The following PID1 variants were observed in gnomAD, a reference collection of about 807,000 sequenced individuals.
The protein encoded by PID1 is phosphotyrosine interaction domain containing 1, also known as PTB-containing, cubilin and LRP1-interacting protein.
In PID1, 10 loss-of-function variants were observed where a neutral mutation model predicts 19.1. The ratio of observed to expected loss-of-function variants is 0.52; its 90% confidence interval spans 0.32 to 0.89. The LOEUF (loss-of-function observed/expected upper bound fraction) is 0.89. Ranked by LOEUF, PID1 falls within the 40% of genes least tolerant of loss-of-function variation. The pLI, the probability that PID1 is intolerant of heterozygous loss-of-function variation, is 0.03. For synonymous variants in PID1, 130 were observed against 116.0 expected, an observed-to-expected ratio of 1.12 and a Z score of -0.78; for missense variants, 248 against 285.3, an observed-to-expected ratio of 0.87 and a Z score of 0.94.
At chr2:229,054,700 T>G in intron 2 of PID1, among the ~76,000 whole-genome samples, 1 of 98,704 alleles carries the variant, frequency 1.0e-5, no homozygotes, top group Non-Finnish European at 1.9e-5. Flanking sequence ...ATGACAGTAA[T>G]GCAGTGTGTG....
At chr2:229,087,970 GCACCCCCCACACACAAA>G (rs1694802061) in intron 2 of PID1, among the ~76,000 whole-genome samples, 1 of 151,918 alleles carries the variant, frequency 6.6e-6, no homozygotes. Flanking sequence ...AATCACACAT[GCACCCCCCACACACAAA>G]CACCTGCACT....
intron 2 of PID1, among the ~76,000 whole-genome samples, chr2:229,058,166 A>G (rs529452107): frequency 6.6e-6 from 1 of 152,316 alleles, no homozygotes; most frequent in African/African-American, 2.4e-5. Flanking sequence ...TCTATATTAC[A>G]ACATCCCAGG....
intron 1 of PID1, among the ~76,000 whole-genome samples, chr2:229,231,526 G>A (rs1485170515): frequency 1.3e-5 from 2 of 152,110 alleles, no homozygotes; most frequent in Middle Eastern, 6.8e-3. Context: ...AATCCTTCAA[G>A]GCAAGTACTA....
intron 2 of PID1, among the ~76,000 whole-genome samples, chr2:229,063,793 A>G (rs1282447153): frequency 6.6e-6 from 1 of 152,056 alleles, no homozygotes; most frequent in East Asian, 1.9e-4. Flanking sequence ...AACTTTATAT[A>G]CTTATATATG....
At chr2:229,120,782 T>A (rs116258542) in intron 2 of PID1, among the ~76,000 whole-genome samples, 1 of 151,786 alleles carries the variant, frequency 6.6e-6, no homozygotes, top group African/African-American at 2.4e-5. Flanking sequence ...GTCATGGGGG[T>A]AGATCCCTCA....
At chr2:229,211,329 C>A (rs766656557) in intron 1 of PID1, among the ~76,000 whole-genome samples, 6 of 151,978 alleles carry the variant, frequency 3.9e-5, no homozygotes, top group Non-Finnish European at 7.4e-5. Flanking sequence ...CCTTCACTTA[C>A]TTGTTCATTC....
chr2:229,120,139 G>C (rs1249785990), intron 2 of PID1, among the ~76,000 whole-genome samples: 2 of 151,996 alleles, frequency 1.3e-5, no homozygotes, highest in Non-Finnish European at 2.9e-5. Context: ...TTCTTACAAG[G>C]TATTGCCTAT....
chr2:229,097,817 C>T (rs1186311814), intron 2 of PID1, among the ~76,000 whole-genome samples: 1 of 152,070 alleles, frequency 6.6e-6, no homozygotes, highest in African/African-American at 2.4e-5. Flanking sequence ...ACTGAAGCCA[C>T]AATACTCTGA....
chr2:229,218,426 C>G (rs1381444951), intron 1 of PID1, among the ~76,000 whole-genome samples: 1 of 151,970 alleles, frequency 6.6e-6, no homozygotes, highest in Non-Finnish European at 1.5e-5. Flanking sequence ...TTGCACAAGT[C>G]GTAATCACAG....
chr2:229,053,497 C>T lies in PID1; in HGVS notation c.178-27389G>A, dbSNP rs74669116. Among the ~76,000 whole-genome samples, 1,107 of 152,262 alleles carry T rather than the reference C, an allele frequency of 7.3e-3. 7 individuals carry two copies. The highest frequency in any genetic ancestry group is 0.028 in the South Asian group (135 of 4,818). On this transcript the variant is annotated intron_variant, in intron 2 of 2. Transcript: ENST00000392055. ...AAGGAAGAGAAAAATCATATCCTCT[C>T]CTTTGCTGTAATCCAAGCTAGAACT...
chr2:229,167,988 A>AT (rs2106207077), intron 1 of PID1, among the ~76,000 whole-genome samples: 1 of 152,292 alleles, frequency 6.6e-6, no homozygotes, highest in African/African-American at 2.4e-5. Context: ...CTACTATTCC[A>AT]GTGTAGACTA....
intron 2 of PID1, among the ~76,000 whole-genome samples, chr2:229,053,196 T>G (rs1471048922): frequency 6.6e-6 from 1 of 152,200 alleles, no homozygotes; most frequent in Non-Finnish European, 1.5e-5. Flanking sequence ...TGTAATTATA[T>G]TAATTCTTTT....
intron 1 of PID1, among the ~76,000 whole-genome samples, chr2:229,219,382 G>A (rs561408791): frequency 6.0e-4 from 92 of 152,222 alleles, no homozygotes; most frequent in South Asian, 1.0e-3. Flanking sequence ...AGAGAAGTCC[G>A]GGGAAGCCCC....
At chr2:229,039,533 A>C (rs1020843510) in intron 2 of PID1, among the ~76,000 whole-genome samples, 1 of 152,230 alleles carries the variant, frequency 6.6e-6, no homozygotes, top group African/African-American at 2.4e-5. Flanking sequence ...AACTTAGAAC[A>C]AAAATATTTG....
At chr2:229,134,003 C>T (rs750887928) in intron 2 of PID1, among the ~76,000 whole-genome samples, 5 of 151,394 alleles carry the variant, frequency 3.3e-5, no homozygotes, top group Non-Finnish European at 7.4e-5. Context: ...TGCTGAGCAG[C>T]AGCCCTGGCC....
At chr2:229,119,154 G>A (rs1002793307) in intron 2 of PID1, among the ~76,000 whole-genome samples, 3 of 152,184 alleles carry the variant, frequency 2.0e-5, no homozygotes, top group African/African-American at 7.2e-5. Flanking sequence ...TGAAACTACT[G>A]TAAAAATGTG....
rs183271957 is a variant in PID1, at chr2:229,038,691, T to A, written c.178-12583A>T. ...ATAATTTTTGAAAATTTCAATTGCT[T>A]ATATATTTTTCTTGCAGAGAAAATA... is the stretch of plus-strand genomic sequence containing the variant. On this transcript the variant is annotated intron_variant, in intron 2 of 2. Transcript: ENST00000392055. Among the ~76,000 whole-genome samples, 5 of 152,328 alleles carry A rather than the reference T, an allele frequency of 3.3e-5. No individual in the cohort carries two copies. In the East Asian group the frequency reaches 5.8e-4, roughly 18 times the overall value.
intron 2 of PID1, among the ~76,000 whole-genome samples, chr2:229,055,416 C>T (rs1694079010): frequency 6.6e-6 from 1 of 152,050 alleles, no homozygotes; most frequent in African/African-American, 2.4e-5. Context: ...TTTTGTCCCA[C>T]CAAGCCACAA....
chr2:229,103,078 A>C (rs1695105662), intron 2 of PID1, among the ~76,000 whole-genome samples: 1 of 152,180 alleles, frequency 6.6e-6, no homozygotes, highest in Non-Finnish European at 1.5e-5. Context: ...TTCCGGGCAA[A>C]GGTTCCTCTT....
Sources: gnomAD v4.1 joint callset for allele counts (sites outside exome capture counted in the v4.1 genomes callset) on GRCh38, gnomAD v4.1.1 for gene constraint, MANE v1.5 for transcripts, NCBI Gene and HGNC (gene_info 2026-07-23, HGNC 2026-07-21) for gene names.